SYT9: variants seen among roughly 807,000 people sequenced by gnomAD.
SYT9 encodes synaptotagmin-9.
SYT9 carries 22 observed loss-of-function variants against 48.4 expected under a neutral mutation model. The ratio of observed to expected loss-of-function variants is 0.45; its 90% CI spans 0.32 to 0.65. The LOEUF (loss-of-function observed/expected upper bound fraction) is 0.65. Ranked by LOEUF, SYT9 falls within the 30% of genes least tolerant of loss-of-function variation. SYT9 has a pLI of 0.03. For synonymous variants in SYT9, 265 were observed against 245.0 expected (o/e 1.08, Z -0.76); for missense variants, 577 against 622.0 (o/e 0.93, Z 0.77).
At chr11:7,270,810 A>T (rs1370493889) in intron 1 of SYT9, among the ~76,000 whole-genome samples, 1 of 147,624 alleles carries the variant, frequency 6.8e-6, no homozygotes, top group African/African-American at 2.5e-5. Flanking sequence ...ACTGACTTTG[A>T]TGTTTAGATG....
At chr11:7,303,543 C>T (rs1017669418) in intron 2 of SYT9, among the ~76,000 whole-genome samples, 153 bp downstream of exon 2, 3 of 152,154 alleles carry the variant, frequency 2.0e-5, no homozygotes, top group Admixed American at 6.5e-5. Flanking sequence ...ATGCTTCCTA[C>T]GCCCTCCTTG....
In SYT9 at chr11:7,252,962, C is replaced by G. The variant is rs1421550682; in HGVS notation, c.145+631C>G. On this transcript the variant is annotated intron_variant, in intron 1 of 6. Coordinates refer to ENST00000318881, the MANE Select transcript of SYT9 (RefSeq NM_175733.4). The surrounding 1 kb of genome is among the most constrained non-coding windows in gnomAD (Gnocchi z 6.3). The stretch of plus-strand genomic sequence containing the variant: ...GCCTGGGCCTGGGCGCTAGGCTCGA[C>G]CAGCGACTACCGCCGGCCACGATGG... Among the ~76,000 whole-genome samples the G allele has an allele frequency of 2.0e-5, 3 of 152,244 alleles. No individual in the cohort carries two copies. The highest frequency in any genetic ancestry group is 1.3e-4 in the Admixed American group (2 of 15,290).
chr11:7,432,558 A>G (rs1484339249), intron 6 of SYT9, among the ~76,000 whole-genome samples: 2 of 8,634 alleles, frequency 2.3e-4, no homozygotes, highest in Admixed American at 1.4e-3. Context: ...AAAAAAAAAA[A>G]AAAAAAAAAA....
At chr11:7,413,972 T>A (rs1456689616) in intron 3 of SYT9, among the ~76,000 whole-genome samples, 1 of 152,038 alleles carries the variant, frequency 6.6e-6, no homozygotes, top group Non-Finnish European at 1.5e-5. Context: ...AAGTCTGAGG[T>A]TTGATTTTTT....
At chr11:7,435,597 G>A (rs903897682) in intron 6 of SYT9, 1 of 152,202 alleles carries the variant, frequency 6.6e-6, no homozygotes, top group African/African-American at 2.4e-5. Flanking sequence ...GCTGAGCCCT[G>A]TGCTATAGCT....
At chr11:7,259,618 T>A (rs1848041500) in intron 1 of SYT9, among the ~76,000 whole-genome samples, 1 of 152,128 alleles carries the variant, frequency 6.6e-6, no homozygotes, top group African/African-American at 2.4e-5. Flanking sequence ...CAATTTGTGT[T>A]TTTTTTGTTG....
chr11:7,348,616 C>G (rs925545870), intron 3 of SYT9, among the ~76,000 whole-genome samples: 1 of 150,968 alleles, frequency 6.6e-6, no homozygotes, highest in African/African-American at 2.4e-5. Context: ...CTGAGCACTC[C>G]CTCAGCATTC....
At chr11:7,351,558 C>T (rs1461967169) in intron 3 of SYT9, among the ~76,000 whole-genome samples, 2 of 152,176 alleles carry the variant, frequency 1.3e-5, no homozygotes, top group Non-Finnish European at 2.9e-5. Context: ...GGAAAGAAAG[C>T]ATCTCCTTTT....
At chr11:7,403,444 C>T (rs932949269) in intron 3 of SYT9, among the ~76,000 whole-genome samples, 9 of 151,960 alleles carry the variant, frequency 5.9e-5, no homozygotes, top group African/African-American at 2.2e-4. Flanking sequence ...CACAGCTACT[C>T]GTAAGGTTAA....
At chr11:7,277,119 G>T (rs1848411974) in intron 1 of SYT9, among the ~76,000 whole-genome samples, 1 of 152,034 alleles carries the variant, frequency 6.6e-6, no homozygotes, top group Admixed American at 6.6e-5. Context: ...TCCTTCATTA[G>T]ATCAGATTGG....
chr11:7,341,300 G>A (rs1172047144), intron 3 of SYT9, among the ~76,000 whole-genome samples: 2 of 152,164 alleles, frequency 1.3e-5, no homozygotes, highest in Non-Finnish European at 2.9e-5. Context: ...AGATGCTTCT[G>A]ATATGCGTTG....
chr11:7,315,392 A>AC (rs1410763587), intron 3 of SYT9, among the ~76,000 whole-genome samples: 3 of 152,046 alleles, frequency 2.0e-5, no homozygotes, highest in Non-Finnish European at 4.4e-5. Flanking sequence ...CTCAGGCATC[A>AC]CCCCCCACTG....
chr11:7,348,072 G>A (rs527680331), intron 3 of SYT9, among the ~76,000 whole-genome samples: 3 of 152,192 alleles, frequency 2.0e-5, no homozygotes, highest in Non-Finnish European at 4.4e-5. Flanking sequence ...ATTAATTCAT[G>A]CTTTCAGAAT....
intron 6 of SYT9, among the ~76,000 whole-genome samples, chr11:7,452,258 C>A (rs1479568400): frequency 6.6e-6 from 1 of 152,138 alleles, no homozygotes; most frequent in Non-Finnish European, 1.5e-5. Flanking sequence ...AGCACTTCTG[C>A]TTGTTGCCAC....
intron 1 of SYT9, among the ~76,000 whole-genome samples, chr11:7,285,865 T>A (rs1848586422): frequency 6.6e-6 from 1 of 152,220 alleles, no homozygotes; most frequent in Admixed American, 6.5e-5. Context: ...AGTTCCAAAA[T>A]GATCTTATTT....
intron 3 of SYT9, among the ~76,000 whole-genome samples, chr11:7,372,747 A>T (rs1002650797): frequency 1.3e-5 from 2 of 152,130 alleles, no homozygotes; most frequent in African/African-American, 4.8e-5. Context: ...TTGGATTTCC[A>T]GCTAAGCAAT....
At chr11:7,292,955 G>A (rs1848720265) in intron 1 of SYT9, among the ~76,000 whole-genome samples, 1 of 152,138 alleles carries the variant, frequency 6.6e-6, no homozygotes, top group Non-Finnish European at 1.5e-5. Context: ...TGGGGACTCA[G>A]GTGCAACAGG....
chr11:7,303,553 G>T (rs868325435), intron 2 of SYT9, among the ~76,000 whole-genome samples, 163 bp downstream of exon 2: 1 of 152,016 alleles, frequency 6.6e-6, no homozygotes, highest in Non-Finnish European at 1.5e-5. Flanking sequence ...CGCCCTCCTT[G>T]GTCTCTACTT....
At chr11:7,331,212 G>T (rs12802138) in intron 3 of SYT9, among the ~76,000 whole-genome samples, 41,628 of 147,784 alleles carry the variant, frequency 0.28, 6,958 homozygotes, top group Middle Eastern at 0.33. Context: ...TGTGCAAAAG[G>T]GATAGCAGGG....
Sources: allele counts gnomAD v4.1 joint callset (sites outside exome capture counted in the v4.1 genomes callset), GRCh38; gene constraint gnomAD v4.1.1; non-coding constraint Gnocchi (gnomAD v3.1); transcripts MANE v1.5; gene names NCBI Gene and HGNC (gene_info 2026-07-23, HGNC 2026-07-21).